The following WWC1 variants were observed in gnomAD, a reference collection of about 807,000 sequenced individuals.
WWC1 encodes WW and C2 domain containing 1, also known as protein KIBRA.
A neutral mutation model predicts 138.4 loss-of-function variants in WWC1; 55 were observed. That is an observed-to-expected ratio of 0.40 (90% CI 0.32 to 0.50). The LOEUF (loss-of-function observed/expected upper bound fraction) is 0.50. Ranked by LOEUF, WWC1 falls within the 20% of genes least tolerant of loss-of-function variation. The pLI is 0.72. For missense variants in WWC1, 1,226 were observed against 1,420.4 expected (o/e 0.86, Z 2.20); for synonymous variants, 524 against 564.9 (o/e 0.93, Z 1.03).
At chr5:168,415,310 G>A (rs757240695) in intron 9 of WWC1, 4 of 152,230 alleles carry the variant, frequency 2.6e-5, no homozygotes, top group Non-Finnish European at 4.4e-5. Context: ...GAGTCGTTCA[G>A]ATTTTTTATT....
intron 1 of WWC1, among the ~76,000 whole-genome samples, chr5:168,336,571 C>CAAAA (rs57339649): frequency 5.3e-4 from 31 of 57,968 alleles, no homozygotes; most frequent in East Asian, 2.3e-3. Context: ...GACTCTGTCT[C>CAAAA]AAAAAAAAAA....
At chr5:168,389,215 G>A (rs765612642) in intron 3 of WWC1, among the ~76,000 whole-genome samples, 4 of 152,122 alleles carry the variant, frequency 2.6e-5, no homozygotes, top group Non-Finnish European at 4.4e-5. Context: ...TTGGGAGGCT[G>A]AGGCAGGTGG....
At chr5:168,441,611 G>C (rs1041890697) in intron 15 of WWC1, 71 bp from the exon 16 acceptor site, 19 of 1,556,850 alleles carry the variant, frequency 1.2e-5, no homozygotes, top group Non-Finnish European at 9.6e-6. Context: ...CTGTCCTCTT[G>C]AACCAAATTC....
intron 1 of WWC1, among the ~76,000 whole-genome samples, chr5:168,323,409 G>T (rs186795803): frequency 1.3e-5 from 2 of 152,080 alleles, no homozygotes; most frequent in East Asian, 1.9e-4. Flanking sequence ...TTAGCCAGGC[G>T]TGGGGTATGT....
intron 16 of WWC1, among the ~76,000 whole-genome samples, chr5:168,442,652 C>T (rs1309473045): frequency 6.6e-6 from 1 of 151,596 alleles, no homozygotes; most frequent in Non-Finnish European, 1.5e-5. Context: ...CCCTGGCCAA[C>T]ATGGTGAAAC....
intron 1 of WWC1, among the ~76,000 whole-genome samples, chr5:168,361,410 C>T (rs947587600): frequency 3.9e-5 from 6 of 152,178 alleles, no homozygotes; most frequent in Admixed American, 2.0e-4. Context: ...GAAGAGCCCA[C>T]CTCCCAACCT....
intron 21 of WWC1, among the ~76,000 whole-genome samples, chr5:168,466,147 G>A (rs1757279924): frequency 6.6e-6 from 1 of 152,076 alleles, no homozygotes; most frequent in South Asian, 2.1e-4. Context: ...AAAACAGGAA[G>A]GTTGTATATG....
chr5:168,406,055 T>G (rs1047570045), intron 5 of WWC1, 143 bp from the exon 6 acceptor site: 2 of 1,060,886 alleles, frequency 1.9e-6, no homozygotes, highest in Non-Finnish European at 2.7e-6. Context: ...ATCCCACAAG[T>G]GGGACCTAGG....
intron 15 of WWC1, among the ~76,000 whole-genome samples, chr5:168,437,329 A>G (rs1371340745): frequency 1.3e-5 from 2 of 152,166 alleles, no homozygotes; most frequent in Non-Finnish European, 2.9e-5. Flanking sequence ...CATAGATTCT[A>G]GGGTACATGT....
At chr5:168,430,289 TTTTCTG>T in intron 14 of WWC1, 66 bp downstream of exon 14, 1 of 1,359,096 alleles carries the variant, frequency 7.4e-7, no homozygotes, top group Non-Finnish European at 1.0e-6. Flanking sequence ...TGGGGGTCAC[TTTTCTG>T]CCCTGTCCTG....
chr5:168,323,488 C>T (rs1256719221), intron 1 of WWC1, among the ~76,000 whole-genome samples: 2 of 151,776 alleles, frequency 1.3e-5, no homozygotes, highest in Non-Finnish European at 2.9e-5. Context: ...TAGAGGCTGT[C>T]GTGAGCTATG....
At chr5:168,365,185 A>G (rs558735474) in intron 1 of WWC1, among the ~76,000 whole-genome samples, 4 of 152,236 alleles carry the variant, frequency 2.6e-5, no homozygotes, top group Admixed American at 1.3e-4. Context: ...GAATTGTGCA[A>G]CCTTAGCTAT....
At chr5:168,347,766 CA>C (rs563027376) in intron 1 of WWC1, among the ~76,000 whole-genome samples, 28 of 148,246 alleles carry the variant, frequency 1.9e-4, no homozygotes, top group Middle Eastern at 3.5e-3. Flanking sequence ...AAGGTCAGTC[CA>C]AAAAAAAAAT....
chr5:168,315,842 GA>G (rs1561599681), intron 1 of WWC1, among the ~76,000 whole-genome samples: 1 of 152,140 alleles, frequency 6.6e-6, no homozygotes, highest in Non-Finnish European at 1.5e-5. Flanking sequence ...GCCAGAGGGC[GA>G]GCATCAGACC....
At chr5:168,453,025 G>T (rs1351050970) in intron 17 of WWC1, among the ~76,000 whole-genome samples, 2 of 152,196 alleles carry the variant, frequency 1.3e-5, no homozygotes, top group Non-Finnish European at 2.9e-5. Context: ...AGTAGTTTGA[G>T]ACCAGCCTGG....
intron 1 of WWC1, among the ~76,000 whole-genome samples, chr5:168,303,918 T>G (rs1434667211): frequency 6.6e-6 from 1 of 152,126 alleles, no homozygotes; most frequent in Non-Finnish European, 1.5e-5. Flanking sequence ...TTCAGCCCTC[T>G]AGGGAGGCCT....
chr5:168,446,857 A>AGGTAGTGTTTACAT (rs1491347083), intron 17 of WWC1, among the ~76,000 whole-genome samples: 65 of 152,386 alleles, frequency 4.3e-4, no homozygotes, highest in Middle Eastern at 3.4e-3. Flanking sequence ...GGCTGGAAAC[A>AGGTAGTGTTTACAT]GGGTAAATCC....
intron 5 of WWC1, among the ~76,000 whole-genome samples, chr5:168,404,281 C>T (rs1053505152): frequency 3.9e-5 from 6 of 152,244 alleles, no homozygotes; most frequent in African/African-American, 1.2e-4. Flanking sequence ...CTGCCTGTCC[C>T]GGACACTGGC....
intron 1 of WWC1, among the ~76,000 whole-genome samples, chr5:168,334,548 C>T (rs995803027): frequency 1.3e-5 from 2 of 152,048 alleles, no homozygotes; most frequent in Admixed American, 6.6e-5. Context: ...CAGACCCTCC[C>T]CCCTCCACCC....
Sources: gnomAD v4.1 joint callset for allele counts (sites outside exome capture counted in the v4.1 genomes callset) on GRCh38, gnomAD v4.1.1 for gene constraint, MANE v1.5 for transcripts, NCBI Gene and HGNC (gene_info 2026-07-23, HGNC 2026-07-21) for gene names.